The following SLC26A4 variants were observed in gnomAD, a reference collection of about 807,000 sequenced individuals.
SLC26A4 encodes the protein solute carrier family 26 member 4, also known as pendrin.
SLC26A4 carries 93 observed loss-of-function variants against 90.4 expected under a neutral mutation model. That is an observed-to-expected ratio of 1.03 (90% CI 0.87 to 1.22). The LOEUF is 1.22. Ranked by LOEUF, SLC26A4 falls within the 50% of genes most tolerant of loss-of-function variation. The pLI, the probability that SLC26A4 is intolerant of heterozygous loss-of-function variation, is 0.00. For synonymous variants in SLC26A4, 393 were observed against 354.6 expected (o/e 1.11, Z -1.22); for missense variants, 1,127 against 946.2 (o/e 1.19, Z -2.51).
chr7:107,682,133 T>TAAAAAAA (rs1401520972), intron 6 of SLC26A4, among the ~76,000 whole-genome samples: 1 of 40,882 alleles, frequency 2.4e-5, no homozygotes, highest in African/African-American at 7.1e-5. Context: ...AAAAAAAATT[T>TAAAAAAA]TTTTTATGTT....
intron 4 of SLC26A4, 99 bp from the exon 5 acceptor site, chr7:107,674,065 T>G (rs1790945277): frequency 8.1e-7 from 1 of 1,228,222 alleles, no homozygotes; most frequent in South Asian, 1.2e-5. Flanking sequence ...ATTTTCCTAG[T>G]CACAGCTAAA....
Position 107,675,096 on chromosome 7 carries a change from T to C in SLC26A4, c.752T>C (p.Leu251Pro), listed in dbSNP as rs748627530. The change falls in exon 6 of 21, where the codon CTC (leucine) becomes CCC (proline). Residue 251 changes from leucine to proline, a missense_variant. Transcript: ENST00000644269. ...NVSTKNYNGV[L>P]SIIYTLVEIF... ...TCAACCAAAAACTACAATGGAGTTC[T>C]CTCTATTATCTATGTAAGTGTTGCT... 8 of 1,613,316 alleles carry C rather than the reference T, an allele frequency of 5.0e-6. No homozygotes were observed. The highest frequency in any genetic ancestry group is 5.1e-6 in the Non-Finnish European group (6 of 1,179,634).
chr7:107,689,500 C>A (rs1791510796), intron 9 of SLC26A4, among the ~76,000 whole-genome samples: 1 of 152,078 alleles, frequency 6.6e-6, no homozygotes, highest in African/African-American at 2.4e-5. Context: ...TTCATGTAAC[C>A]CAGTACCTCT....
At chr7:107,665,147 G>A (rs1790673501) in intron 3 of SLC26A4, among the ~76,000 whole-genome samples, 1 of 152,188 alleles carries the variant, frequency 6.6e-6, no homozygotes, top group Admixed American at 6.5e-5. Flanking sequence ...TGATGGCTAA[G>A]TCTGAGTTTG....
chr7:107,663,375 G>C lies in SLC26A4; in HGVS notation c.244G>C (p.Glu82Gln). Residue 82 changes from glutamate to glutamine, a missense_variant, in exon 3 of 21, where the codon GAA (glutamate) becomes CAA (glutamine). By Grantham distance (29) the Glu-to-Gln change is conservative. Transcript: ENST00000644269. ...GTGGCTCCCCAAATACCGAGTCAAG[G>C]AATGGCTGCTTAGTGACGTCATTTC... ...LEWLPKYRVK[E>Q]WLLSDVISGV... The C allele has an allele frequency of 6.2e-7, 1 of 1,614,152 alleles. No homozygotes were observed. Among genetic ancestry groups the C allele is most frequent in the African/African-American group, 1.3e-5 (1 of 75,042 alleles).
chr7:107,663,437 T>C lies in SLC26A4; in HGVS notation c.304+2T>C, dbSNP rs746238617. 1.2e-5 allele frequency: 19 copies of C among 1,613,828 alleles called. No individual in the cohort carries two copies. The highest frequency in any genetic ancestry group is 1.6e-5 in the Non-Finnish European group (19 of 1,179,876). Reference sequence around the variant, plus strand: ...CTGGGCTAGTGGCCACGCTGCAAGGTAAGATGTTGGCAGATTGAGAGTTCT... The same window carrying C: ...CTGGGCTAGTGGCCACGCTGCAAGGCAAGATGTTGGCAGATTGAGAGTTCT... On this transcript the variant is annotated splice_donor_variant, in intron 3 of 20. Transcript: ENST00000644269. LOFTEE classifies it high-confidence loss of function.
chr7:107,698,168 CA>C, intron 14 of SLC26A4, 57 bp downstream of exon 14: 1 of 1,117,038 alleles, frequency 9.0e-7, no homozygotes, highest in South Asian at 1.2e-5. Context: ...GAAGTTTCAG[CA>C]GCTCCATTTT....
Position 107,715,771 on chromosome 7 carries a change from A to G in SLC26A4, c.*325A>G, listed in dbSNP as rs199769213. ...TTCAGTTAGAGTGAGTGCTGACCCA[A>G]CAGCCTCTGTGGTCAAGCGAGTCAC... On this transcript the variant is annotated 3_prime_UTR_variant, in exon 21 of 21. Transcript: ENST00000644269. 2 of 393,716 alleles carry G rather than the reference A, an allele frequency of 5.1e-6. No homozygotes were observed. The highest frequency in any genetic ancestry group is 9.3e-6 in the Non-Finnish European group (2 of 215,600). The allele number at this position is 393,716 out of a possible 1,614,324, so 24.4% of individuals were successfully genotyped here. A position where few individuals can be genotyped will look rare whatever the true frequency, so the allele number is the denominator to read the frequency against.
intron 3 of SLC26A4, among the ~76,000 whole-genome samples, chr7:107,667,354 G>C (rs1043630209): frequency 2.0e-5 from 3 of 150,028 alleles, no homozygotes; most frequent in Non-Finnish European, 4.4e-5. Context: ...TTAGAAGTTA[G>C]GAAGGCAAGG....
chr7:107,692,071 T>C (rs1220384418), intron 10 of SLC26A4: 2 of 1,289,160 alleles, frequency 1.6e-6, no homozygotes, highest in Non-Finnish European at 2.0e-6. Context: ...ATGGGCTGGC[T>C]GTCCCAGTAA....
intron 10 of SLC26A4, chr7:107,693,344 C>G (rs1791631395): frequency 1.0e-6 from 1 of 985,344 alleles, no homozygotes; most frequent in African/African-American, 1.7e-5. Flanking sequence ...TTGCCTCAGG[C>G]TGACCCAACT....
At chr7:107,715,093 G>T (rs994363279) in intron 20 of SLC26A4, among the ~76,000 whole-genome samples, 1 of 117,184 alleles carries the variant, frequency 8.5e-6, no homozygotes, top group African/African-American at 2.8e-5. Flanking sequence ...AAATTAGCTG[G>T]GTGTGGTGGC....
At chr7:107,680,041 TATCTTATTATATAATATA>T (rs1229041490) in intron 6 of SLC26A4, among the ~76,000 whole-genome samples, 1 of 131,380 alleles carries the variant, frequency 7.6e-6, no homozygotes, top group Non-Finnish European at 1.5e-5. Flanking sequence ...AATATAATCT[TATCTTATTATATAATATA>T]ATCTTATTAT....
chr7:107,716,720 G>T lies in SLC26A4; in HGVS notation c.*1274G>T, dbSNP rs1414337409. The stretch of plus-strand genomic sequence containing the variant: ...AGTTGTACTTCATTTCTAGAGAAAA[G>T]TTATACCCAGGTCCCCAATTGAGAA... On this transcript the variant is annotated 3_prime_UTR_variant, in exon 21 of 21. Transcript: ENST00000644269. 2.0e-5 allele frequency: 3 copies of T among 152,104 alleles called. No homozygotes were observed. Among genetic ancestry groups the T allele is most frequent in the Admixed American group, 6.6e-5 (1 of 15,260 alleles). The allele number at this position is 152,104 out of a possible 1,614,324, so 9.4% of individuals were successfully genotyped here.
intron 16 of SLC26A4, among the ~76,000 whole-genome samples, 154 bp from the exon 17 acceptor site, chr7:107,701,673 G>C (rs1791888886): frequency 6.6e-6 from 1 of 152,180 alleles, no homozygotes; most frequent in African/African-American, 2.4e-5. Context: ...CAACATCAAA[G>C]TTTGGGCTGA....
In SLC26A4 at chr7:107,695,985, G is replaced by A; in HGVS notation, c.1490G>A (p.Gly497Asp). The change falls in exon 13 of 21, where the codon GGT (glycine) becomes GAT (aspartate). Residue 497 changes from glycine (G) to aspartate (D), a missense_variant. Physicochemically the swap from Gly to Asp is moderately conservative, Grantham distance 94 (BLOSUM62 -1). Coordinates refer to ENST00000644269, the MANE Select transcript of SLC26A4 (RefSeq NM_000441.2). The part of the protein sequence containing the change: ...IVSIILGLDL[G>D]LLAGLIFGLL... ...TCCATCATTCTGGGGCTGGATCTCG[G>A]TTTACTAGCTGGCCTTATATTTGGA... is the stretch of plus-strand genomic sequence containing the variant. The A allele has an allele frequency of 6.2e-7, 1 of 1,613,040 alleles. No individual in the cohort carries two copies. The highest frequency in any genetic ancestry group is 8.5e-7 in the Non-Finnish European group (1 of 1,179,182).
chr7:107,688,135 C>A (rs1212781577), intron 8 of SLC26A4, among the ~76,000 whole-genome samples: 1 of 152,158 alleles, frequency 6.6e-6, no homozygotes, highest in African/African-American at 2.4e-5. Flanking sequence ...GTTCCTTTAT[C>A]AACAAGACAA....
Position 107,706,853 on chromosome 7 carries a change from G to A in SLC26A4, c.2089+2468G>A, listed in dbSNP as rs537220829. Reference sequence around the variant, plus strand: ...GATCAGGTAGAGAGGAAAAGCAAATGTTTCAATTTTTGTTTATGAAAGTAT... The same window carrying A: ...GATCAGGTAGAGAGGAAAAGCAAATATTTCAATTTTTGTTTATGAAAGTAT... On this transcript the variant is annotated intron_variant, in intron 18 of 20. Coordinates refer to ENST00000644269, the MANE Select transcript of SLC26A4 (RefSeq NM_000441.2). Among the ~76,000 whole-genome samples the A allele has an allele frequency of 1.1e-4, 17 of 152,286 alleles. No individual in the cohort carries two copies. The East Asian group carries it at 3.3e-3, about 29-fold the overall frequency.
chr7:107,686,263 C>CCCTTCCTTCCCTCCCTTCCCTCCCTTT (rs1181047071), intron 8 of SLC26A4, among the ~76,000 whole-genome samples: 3 of 141,676 alleles, frequency 2.1e-5, no homozygotes, highest in Non-Finnish European at 3.1e-5. Context: ...TTTCTTTCTT[C>CCCTTCCTTCCCTCCCTTCCCTCCCTTT]CCTTCCTTCC....
Sources: allele counts gnomAD v4.1 joint callset (sites outside exome capture counted in the v4.1 genomes callset), GRCh38; gene constraint gnomAD v4.1.1; transcripts MANE v1.5; gene names NCBI Gene and HGNC (gene_info 2026-07-23, HGNC 2026-07-21).